MAGI2: variants seen among roughly 807,000 people sequenced by gnomAD.
MAGI2 encodes membrane-associated guanylate kinase, WW and PDZ domain-containing protein 2.
A neutral mutation model predicts 133.3 loss-of-function variants in MAGI2; 35 were observed. The observed-to-expected ratio is 0.26, with a 90% CI of 0.20 to 0.35. The LOEUF (loss-of-function observed/expected upper bound fraction) is 0.35, where lower values mean the gene tolerates loss of function less well. Ranked by LOEUF, MAGI2 falls within the 10% of genes least tolerant of loss-of-function variation. The pLI is 1.00. For synonymous variants in MAGI2, 729 were observed against 710.6 expected, an observed-to-expected ratio of 1.03 and a Z score of -0.41; for missense variants, 1,636 against 1,863.4, an observed-to-expected ratio of 0.88 and a Z score of 2.25.
chr7:78,483,236 A>C (rs1480742045), intron 6 of MAGI2, among the ~76,000 whole-genome samples: 2 of 151,962 alleles, frequency 1.3e-5, no homozygotes, highest in Non-Finnish European at 2.9e-5. Flanking sequence ...AAAATTTTGA[A>C]ATCATTCTGC....
At chr7:79,339,501 T>A (rs544142026) in intron 1 of MAGI2, among the ~76,000 whole-genome samples, 1 of 151,258 alleles carries the variant, frequency 6.6e-6, no homozygotes, top group African/African-American at 2.4e-5. Context: ...AAATTTGTCC[T>A]GCATTACTCT....
intron 1 of MAGI2, chr7:79,353,584 G>T: frequency 2.3e-6 from 1 of 428,206 alleles, no homozygotes; most frequent in Admixed American, 2.5e-5. Flanking sequence ...GCTGTCTGGA[G>T]CTCTGGTGAT....
intron 1 of MAGI2, among the ~76,000 whole-genome samples, chr7:79,067,339 C>T (rs756031045): frequency 6.6e-5 from 10 of 152,026 alleles, no homozygotes; most frequent in Non-Finnish European, 1.3e-4. Flanking sequence ...AAGTTGTATT[C>T]GTAGGTATTT....
At chr7:78,156,758 CT>C (rs1430132464) in intron 16 of MAGI2, among the ~76,000 whole-genome samples, 1 of 150,630 alleles carries the variant, frequency 6.6e-6, no homozygotes, top group Non-Finnish European at 1.5e-5. Flanking sequence ...AATGATGCTC[CT>C]ATCAAAAGCA....
chr7:79,202,985 T>C (rs1050799062), intron 1 of MAGI2, among the ~76,000 whole-genome samples: 2 of 151,984 alleles, frequency 1.3e-5, no homozygotes, highest in Admixed American at 6.6e-5. Flanking sequence ...AAAACATATA[T>C]CCTGATTATC....
At chr7:78,869,685 A>G (rs371139449) in intron 2 of MAGI2, among the ~76,000 whole-genome samples, 1 of 152,188 alleles carries the variant, frequency 6.6e-6, no homozygotes, top group Non-Finnish European at 1.5e-5. Context: ...AAACTGCTTT[A>G]TGAAGCCATC....
rs79292329 is a variant in MAGI2 at position 78,161,343 on chromosome 7, C to G, written c.2597-1070G>C. 3.3e-3 allele frequency among the ~76,000 whole-genome samples: 502 copies of G among 152,198 alleles called. 10 individuals carry two copies. In the South Asian group the frequency reaches 0.051, roughly 15 times the overall value. ...GGTATTGGCACTCTGATGAAAAGAA[C>G]CGAAGCAGGCACCTAGAATAATGTA... On this transcript the variant is annotated intron_variant, in intron 15 of 21. Transcript: ENST00000354212.
chr7:79,255,503 A>T lies in MAGI2; in HGVS notation c.301+197517T>A, dbSNP rs970950497. On this transcript the variant is annotated intron_variant, in intron 1 of 21. Coordinates refer to ENST00000354212, the MANE Select transcript of MAGI2 (RefSeq NM_012301.4). ...AACAGTTATGTAAAAAGAATATGAA[A>T]ATATGTGATGGAATCACACAATGAT... Among the ~76,000 whole-genome samples the T allele has an allele frequency of 3.3e-5, 5 of 152,252 alleles. No homozygotes were observed. The East Asian group carries it at 9.6e-4, about 29-fold the overall frequency.
intron 1 of MAGI2, among the ~76,000 whole-genome samples, chr7:79,100,430 T>C (rs1458964390): frequency 1.3e-5 from 2 of 151,878 alleles, no homozygotes; most frequent in Non-Finnish European, 2.9e-5. Flanking sequence ...GAAAAATATG[T>C]CATTGTTTCC....
chr7:78,177,592 G>T (rs1029800816), intron 14 of MAGI2, among the ~76,000 whole-genome samples: 2 of 152,112 alleles, frequency 1.3e-5, no homozygotes. Context: ...GCAGTGCTGA[G>T]CTTGATTTTA....
chr7:78,168,443 G>T (rs1825824032), intron 14 of MAGI2, among the ~76,000 whole-genome samples: 1 of 152,184 alleles, frequency 6.6e-6, no homozygotes, highest in South Asian at 2.1e-4. Context: ...GCTGCAGACT[G>T]CCATGAAGTT....
At chr7:78,770,639 G>T (rs998938028) in intron 2 of MAGI2, among the ~76,000 whole-genome samples, 1 of 152,180 alleles carries the variant, frequency 6.6e-6, no homozygotes, top group Non-Finnish European at 1.5e-5. Context: ...CTCTCCACTG[G>T]CTGTATTAAA....
At chr7:78,192,915 A>T (rs1385306997) in intron 12 of MAGI2, among the ~76,000 whole-genome samples, 1 of 152,074 alleles carries the variant, frequency 6.6e-6, no homozygotes, top group African/African-American at 2.4e-5. Flanking sequence ...GGGAGTCAGG[A>T]TGTTTGCTGT....
chr7:78,952,207 C>A (rs1372929441), intron 2 of MAGI2, among the ~76,000 whole-genome samples: 1 of 152,134 alleles, frequency 6.6e-6, no homozygotes, highest in Non-Finnish European at 1.5e-5. Context: ...TCTGGTCTTA[C>A]AACTCCAGAG....
chr7:78,567,814 C>T (rs988755512), intron 3 of MAGI2: 3 of 152,268 alleles, frequency 2.0e-5, no homozygotes, highest in African/African-American at 7.2e-5. Context: ...ACCCAATTCT[C>T]TGCTTCCTCT....
intron 12 of MAGI2, among the ~76,000 whole-genome samples, chr7:78,188,973 T>C (rs1324113495): frequency 6.6e-6 from 1 of 152,092 alleles, no homozygotes; most frequent in Non-Finnish European, 1.5e-5. Flanking sequence ...CCCCATCACT[T>C]TTCATTTAGA....
intron 2 of MAGI2, among the ~76,000 whole-genome samples, chr7:78,734,969 C>T (rs1821707971): frequency 6.6e-6 from 1 of 152,144 alleles, no homozygotes; most frequent in African/African-American, 2.4e-5. Flanking sequence ...TACAGAGCAG[C>T]AAAATCTAAC....
chr7:78,390,023 C>T (rs79918965), intron 6 of MAGI2, among the ~76,000 whole-genome samples: 8,172 of 152,172 alleles, frequency 0.054, 312 homozygotes, highest in South Asian at 0.095. Flanking sequence ...AATAATAATA[C>T]TTTGTGACAT....
chr7:78,708,346 A>C (rs1245638474), intron 2 of MAGI2, among the ~76,000 whole-genome samples: 3 of 152,174 alleles, frequency 2.0e-5, no homozygotes, highest in Non-Finnish European at 2.9e-5. Context: ...AGCTCACTTC[A>C]CTATAGGTTT....
Sources: allele counts gnomAD v4.1 joint callset (sites outside exome capture counted in the v4.1 genomes callset), GRCh38; gene constraint gnomAD v4.1.1; transcripts MANE v1.5; gene names NCBI Gene and HGNC (gene_info 2026-07-23, HGNC 2026-07-21).